SLC9A9: variants seen among roughly 807,000 people sequenced by gnomAD.
The protein encoded by SLC9A9 is solute carrier family 9 member A9, also known as sodium/hydrogen exchanger 9.
Under a neutral mutation model 77.8 loss-of-function variants are expected in SLC9A9, and 62 were observed. The observed-to-expected ratio is 0.80, with a 90% CI of 0.65 to 0.98. SLC9A9 has a LOEUF of 0.98. SLC9A9 is among the 50% of genes least tolerant of loss of function. The probability of loss-of-function intolerance (pLI) is 0.00; values close to 1 mark genes in which losing one functional copy is unlikely to be tolerated. For synonymous variants in SLC9A9, 320 were observed against 283.5 expected, an observed-to-expected ratio of 1.13 and a Z score of -1.29; for missense variants, 775 against 774.9, an observed-to-expected ratio of 1.00 and a Z score of 0.00.
intron 2 of SLC9A9, among the ~76,000 whole-genome samples, chr3:143,828,312 T>C (rs1015245244): frequency 9.2e-5 from 14 of 152,258 alleles, no homozygotes; most frequent in African/African-American, 3.4e-4. Flanking sequence ...TGCCAAGATC[T>C]CAGACTCATC....
At chr3:143,502,034 A>C (rs1339692090) in intron 9 of SLC9A9, among the ~76,000 whole-genome samples, 1 of 151,100 alleles carries the variant, frequency 6.6e-6, no homozygotes, top group Non-Finnish European at 1.5e-5. Context: ...CAAAGCCAAT[A>C]ATAATAATCA....
chr3:143,785,351 T>C (rs1319846233), intron 4 of SLC9A9, among the ~76,000 whole-genome samples: 2 of 152,144 alleles, frequency 1.3e-5, no homozygotes, highest in Non-Finnish European at 2.9e-5. Context: ...AAGAAGCCAC[T>C]AGGGAATGAG....
intron 9 of SLC9A9, among the ~76,000 whole-genome samples, chr3:143,534,776 G>T (rs1049154459): frequency 2.6e-5 from 4 of 152,120 alleles, no homozygotes; most frequent in Non-Finnish European, 4.4e-5. Context: ...CTGAATAGCG[G>T]GATCAAAAAG....
At chr3:143,535,596 T>C (rs1049479760) in intron 9 of SLC9A9, among the ~76,000 whole-genome samples, 3 of 152,232 alleles carry the variant, frequency 2.0e-5, no homozygotes, top group Admixed American at 2.0e-4. Context: ...ATAAGAGATT[T>C]TACAGTACTT....
intron 6 of SLC9A9, among the ~76,000 whole-genome samples, chr3:143,601,912 T>A (rs1303143992): frequency 6.6e-6 from 1 of 151,394 alleles, no homozygotes; most frequent in Non-Finnish European, 1.5e-5. Context: ...CCCTCACTGT[T>A]CCTGCAGTAC....
intron 13 of SLC9A9, among the ~76,000 whole-genome samples, chr3:143,371,769 G>C (rs1286133634): frequency 6.6e-6 from 1 of 152,168 alleles, no homozygotes; most frequent in Non-Finnish European, 1.5e-5. Context: ...AAAAGAAGAA[G>C]TCCAGCTGTA....
chr3:143,657,576 T>C (rs4839650), intron 5 of SLC9A9, among the ~76,000 whole-genome samples: 13,641 of 152,224 alleles, frequency 0.09, 622 homozygotes, highest in East Asian at 0.12. Flanking sequence ...TTATTCTAAT[T>C]CTTTCATTAG....
chr3:143,454,380 T>A (rs568538263), intron 12 of SLC9A9, among the ~76,000 whole-genome samples: 1 of 152,320 alleles, frequency 6.6e-6, no homozygotes, highest in South Asian at 2.1e-4. Flanking sequence ...GTTCTTCATA[T>A]AATATCTAAG....
chr3:143,817,430 G>A (rs1164163292), intron 2 of SLC9A9, among the ~76,000 whole-genome samples: 1 of 151,568 alleles, frequency 6.6e-6, no homozygotes, highest in Non-Finnish European at 1.5e-5. Flanking sequence ...TTACAGGCGT[G>A]AGCCACCGCG....
chr3:143,600,633 A>C (rs1014997079), intron 6 of SLC9A9, among the ~76,000 whole-genome samples: 6 of 152,216 alleles, frequency 3.9e-5, no homozygotes, highest in Non-Finnish European at 7.3e-5. Context: ...TCACCCTCCC[A>C]AAACGCAATA....
intron 14 of SLC9A9, among the ~76,000 whole-genome samples, chr3:143,350,210 T>C (rs553945225): frequency 2.0e-5 from 3 of 152,334 alleles, no homozygotes; most frequent in Admixed American, 2.0e-4. Context: ...GCAGTCCTGG[T>C]ACCCCCAATA....
intron 2 of SLC9A9, among the ~76,000 whole-genome samples, chr3:143,798,647 G>A (rs1018630204): frequency 2.6e-5 from 4 of 152,030 alleles, no homozygotes; most frequent in Admixed American, 6.6e-5. Context: ...GTAGAAACTC[G>A]ACAGTGGTTC....
intron 4 of SLC9A9, among the ~76,000 whole-genome samples, chr3:143,764,964 C>G (rs541235016): frequency 1.5e-5 from 2 of 129,818 alleles, no homozygotes; most frequent in East Asian, 4.4e-4. Context: ...CTTTTTGTTT[C>G]TCTTTCTTTC....
chr3:143,437,658 G>C (rs897754244), intron 12 of SLC9A9, among the ~76,000 whole-genome samples: 2 of 152,184 alleles, frequency 1.3e-5, no homozygotes, highest in Admixed American at 6.5e-5. Flanking sequence ...TTAAATGATG[G>C]GAGACATGTT....
intron 9 of SLC9A9, among the ~76,000 whole-genome samples, chr3:143,538,696 C>T (rs527240608): frequency 4.6e-5 from 7 of 152,212 alleles, no homozygotes; most frequent in East Asian, 1.9e-4. Context: ...TCTTCTATCC[C>T]GGCCCTACGT....
intron 4 of SLC9A9, among the ~76,000 whole-genome samples, chr3:143,707,725 C>A (rs1361638453): frequency 6.6e-6 from 1 of 152,122 alleles, no homozygotes; most frequent in African/African-American, 2.4e-5. Flanking sequence ...CCCCTGCAAG[C>A]CAGTTCAACA....
chr3:143,320,208 G>A (rs781615444), intron 14 of SLC9A9, among the ~76,000 whole-genome samples: 45 of 152,172 alleles, frequency 3.0e-4, no homozygotes, highest in Admixed American at 5.2e-4. Context: ...TCTTACTATC[G>A]TATCCTCAGT....
intron 12 of SLC9A9, among the ~76,000 whole-genome samples, chr3:143,422,535 G>A (rs759478775): frequency 5.3e-5 from 8 of 152,106 alleles, no homozygotes; most frequent in Non-Finnish European, 8.8e-5. Flanking sequence ...ATAAGTGGGA[G>A]CTAAACACTG....
chr3:143,569,929 G>A (rs2037231777), intron 8 of SLC9A9, among the ~76,000 whole-genome samples: 1 of 150,200 alleles, frequency 6.7e-6, no homozygotes, highest in Non-Finnish European at 1.5e-5. Context: ...TCCTGCCTCA[G>A]CCTCCCTGGT....
Sources: gnomAD v4.1 joint callset for allele counts (sites outside exome capture counted in the v4.1 genomes callset) on GRCh38, gnomAD v4.1.1 for gene constraint, MANE v1.5 for transcripts, NCBI Gene and HGNC (gene_info 2026-07-23, HGNC 2026-07-21) for gene names.